The following SEMA5A variants were observed in gnomAD, a reference collection of about 807,000 sequenced individuals.
SEMA5A encodes semaphorin-5A.
In SEMA5A, 55 loss-of-function variants were observed where a neutral mutation model predicts 135.5. That is an observed-to-expected ratio of 0.41 (90% CI 0.33 to 0.51). SEMA5A has a LOEUF of 0.51. Among genes scored for constraint, SEMA5A ranks in the 20% least tolerant of loss-of-function variants. SEMA5A has a pLI of 0.37. For synonymous variants in SEMA5A, 580 were observed against 546.5 expected (o/e 1.06, Z -0.85); for missense variants, 1,290 against 1,419.9 (o/e 0.91, Z 1.47).
intron 1 of SEMA5A, among the ~76,000 whole-genome samples, chr5:9,514,780 GT>G: frequency 6.6e-6 from 1 of 152,280 alleles, no homozygotes; most frequent in African/African-American, 2.4e-5. Context: ...AGAGTCAACT[GT>G]TACTTTTAAA....
chr5:9,432,451 T>G (rs1757890653), intron 2 of SEMA5A, among the ~76,000 whole-genome samples: 1 of 151,530 alleles, frequency 6.6e-6, no homozygotes, highest in Non-Finnish European at 1.5e-5. Context: ...CAGCAAGCAC[T>G]TTTTTTTTCA....
Position 9,037,449 on chromosome 5 carries a change from T to C in SEMA5A, c.*5448A>G, listed in dbSNP as rs1329670485. ...ACTCTATTTTCAAAAGTGGATAGGA[T>C]TCCCTTCCTCATGCTTCTGTAACAT... On this transcript the variant is annotated 3_prime_UTR_variant, in exon 23 of 23. Transcript: ENST00000382496. The C allele has an allele frequency of 6.6e-6, 1 of 152,208 alleles. No homozygotes were observed. Among genetic ancestry groups the C allele is most frequent in the Non-Finnish European group, 1.5e-5 (1 of 68,032 alleles). 9.4% of individuals were successfully genotyped at this position (152,208 alleles called of 1,614,324 possible). A position where few individuals can be genotyped will look rare whatever the true frequency, so the allele number is the denominator to read the frequency against.
At chr5:9,520,891 G>T (rs936008432) in intron 1 of SEMA5A, among the ~76,000 whole-genome samples, 29 of 152,184 alleles carry the variant, frequency 1.9e-4, no homozygotes, top group Non-Finnish European at 3.8e-4. Flanking sequence ...GCAATGGAGG[G>T]TCCTGCACAG....
intron 5 of SEMA5A, among the ~76,000 whole-genome samples, chr5:9,290,362 C>G (rs1440150530): frequency 1.3e-5 from 2 of 152,160 alleles, no homozygotes; most frequent in East Asian, 3.9e-4. Flanking sequence ...GTCCATGCAG[C>G]TTGCTGTAAA....
intron 4 of SEMA5A, among the ~76,000 whole-genome samples, chr5:9,328,043 T>C (rs1752955658): frequency 6.6e-6 from 1 of 152,238 alleles, no homozygotes; most frequent in African/African-American, 2.4e-5. Context: ...AAATCTGAGA[T>C]CTTTTTTCTC....
intron 8 of SEMA5A, among the ~76,000 whole-genome samples, chr5:9,221,439 A>G (rs1280784217): frequency 2.7e-5 from 4 of 149,932 alleles, no homozygotes; most frequent in Non-Finnish European, 5.9e-5. Flanking sequence ...AGTAGCTGGG[A>G]CTACAGGCGC....
At chr5:9,417,329 T>G (rs928191873) in intron 2 of SEMA5A, among the ~76,000 whole-genome samples, 1 of 152,250 alleles carries the variant, frequency 6.6e-6, no homozygotes, top group East Asian at 1.9e-4. Context: ...ATTTTATACA[T>G]AGAATATAGT....
intron 21 of SEMA5A, among the ~76,000 whole-genome samples, chr5:9,045,466 A>C (rs1026559960): frequency 3.3e-5 from 5 of 152,240 alleles, no homozygotes; most frequent in African/African-American, 9.6e-5. Context: ...ATATGCACAC[A>C]TTAGAAAGTA....
At chr5:9,515,653 G>C (rs1736470551) in intron 1 of SEMA5A, among the ~76,000 whole-genome samples, 1 of 152,190 alleles carries the variant, frequency 6.6e-6, no homozygotes, top group Admixed American at 6.5e-5. Context: ...GGGTAATGCA[G>C]CTAACCTGAT....
chr5:9,512,559 A>G (rs887713549), intron 1 of SEMA5A, among the ~76,000 whole-genome samples: 1 of 152,028 alleles, frequency 6.6e-6, no homozygotes, highest in Non-Finnish European at 1.5e-5. Flanking sequence ...TCAGATGTTC[A>G]TAGTAACTGA....
At chr5:9,315,662 G>A (rs1752358181) in intron 5 of SEMA5A, among the ~76,000 whole-genome samples, 1 of 152,118 alleles carries the variant, frequency 6.6e-6, no homozygotes. Context: ...CAGTGTATCT[G>A]ATGGTTCCTC....
chr5:9,189,640 G>T (rs1744992758), intron 11 of SEMA5A, among the ~76,000 whole-genome samples: 1 of 152,134 alleles, frequency 6.6e-6, no homozygotes. Flanking sequence ...AGCTCAGCCA[G>T]GTCCCTACAG....
intron 6 of SEMA5A, among the ~76,000 whole-genome samples, chr5:9,228,001 G>A (rs762770492): frequency 6.6e-6 from 1 of 152,114 alleles, no homozygotes; most frequent in East Asian, 1.9e-4. Context: ...GAAAACCCTG[G>A]GTATGGTCAT....
chr5:9,250,582 T>A (rs1164154394), intron 5 of SEMA5A, among the ~76,000 whole-genome samples: 1 of 152,188 alleles, frequency 6.6e-6, no homozygotes, highest in Non-Finnish European at 1.5e-5. Context: ...GGTAATACAT[T>A]CTGGATTTTT....
intron 5 of SEMA5A, among the ~76,000 whole-genome samples, chr5:9,270,998 G>C (rs188462533): frequency 6.6e-6 from 1 of 152,178 alleles, no homozygotes; most frequent in East Asian, 1.9e-4. Context: ...TAAGGAACTT[G>C]ATACGGTTTT....
Position 9,038,755 on chromosome 5 carries a change from G to GTC in SEMA5A, c.*4140_*4141dup, listed in dbSNP as rs1239837472. The GTC allele has an allele frequency of 3.3e-5, 5 of 149,400 alleles. No individual in the cohort carries two copies. Among genetic ancestry groups the GTC allele is most frequent in the South Asian group, 2.1e-4 (1 of 4,704 alleles). The allele number at this position is 149,400 out of a possible 1,614,324, so 9.3% of individuals were successfully genotyped here. Reference sequence around the variant, plus strand: ...TCTTTTTTTTTTTTTTTGAGACAGGGTCTCTCTCTGTCACCCAGGATGGAG... The same window carrying GTC: ...TCTTTTTTTTTTTTTTTGAGACAGGGTCTCTCTCTCTGTCACCCAGGATGGAG... On this transcript the variant is annotated 3_prime_UTR_variant, in exon 23 of 23. Transcript: ENST00000382496.
intron 8 of SEMA5A, among the ~76,000 whole-genome samples, chr5:9,217,398 C>G (rs1413165156): frequency 6.6e-6 from 1 of 152,144 alleles, no homozygotes; most frequent in Admixed American, 6.5e-5. Context: ...GGTGACCTGT[C>G]TTTTCTCTCT....
In SEMA5A at chr5:9,245,245, T is replaced by C. The variant is rs986215168; in HGVS notation, c.271-7355A>G. On this transcript the variant is annotated intron_variant, in intron 5 of 22. Coordinates refer to ENST00000382496, the MANE Select transcript of SEMA5A (RefSeq NM_003966.3). Reference sequence around the variant, plus strand: ...GTCTGGAGTATTCACATGTCTATGTTCCCTGCCTATTAGTCACTTAGGAGC... The same window carrying C: ...GTCTGGAGTATTCACATGTCTATGTCCCCTGCCTATTAGTCACTTAGGAGC... 3.9e-5 allele frequency among the ~76,000 whole-genome samples: 6 copies of C among 152,148 alleles called. No homozygotes were observed. The South Asian group carries it at 1.2e-3, about 32-fold the overall frequency.
At chr5:9,081,732 C>G (rs780053057) in intron 16 of SEMA5A, among the ~76,000 whole-genome samples, 13 of 152,306 alleles carry the variant, frequency 8.5e-5, no homozygotes, top group Non-Finnish European at 1.5e-4. Context: ...TTGAATTTAA[C>G]TCTCCAGAAT....
Sources: gnomAD v4.1 joint callset for allele counts (sites outside exome capture counted in the v4.1 genomes callset) on GRCh38, gnomAD v4.1.1 for gene constraint, MANE v1.5 for transcripts, NCBI Gene and HGNC (gene_info 2026-07-23, HGNC 2026-07-21) for gene names.